DGKB: variants seen among roughly 807,000 people sequenced by gnomAD.
DGKB encodes the protein diacylglycerol kinase beta.
DGKB carries 67 observed loss-of-function variants against 114.3 expected under a neutral mutation model. That is an observed-to-expected ratio of 0.59 (90% confidence interval 0.48 to 0.72). The LOEUF is 0.72. DGKB is among the 30% of genes least tolerant of loss of function. DGKB has a pLI of 0.00. For synonymous variants in DGKB, 398 were observed against 323.1 expected, an observed-to-expected ratio of 1.23 and a Z score of -2.49; for missense variants, 907 against 975.2, an observed-to-expected ratio of 0.93 and a Z score of 0.93.
chr7:14,889,488 G>A (rs1780837421), intron 1 of DGKB, among the ~76,000 whole-genome samples: 1 of 151,446 alleles, frequency 6.6e-6, no homozygotes, highest in African/African-American at 2.4e-5. Context: ...GCCTGGTTAT[G>A]GCCCACCAAA....
intron 13 of DGKB, among the ~76,000 whole-genome samples, chr7:14,659,817 C>G (rs1414527952): frequency 4.0e-5 from 6 of 151,428 alleles, no homozygotes; most frequent in Non-Finnish European, 7.4e-5. Flanking sequence ...TGCCAGTTTT[C>G]AAAGGGAATG....
At chr7:14,774,406 C>T (rs557417640) in intron 2 of DGKB, among the ~76,000 whole-genome samples, 2 of 152,094 alleles carry the variant, frequency 1.3e-5, no homozygotes, top group African/African-American at 2.4e-5. Context: ...TCTGAAGTTA[C>T]GGAAAAGCCA....
intron 1 of DGKB, among the ~76,000 whole-genome samples, chr7:14,871,170 T>C (rs1274063374): frequency 1.3e-5 from 2 of 152,170 alleles, no homozygotes; most frequent in African/African-American, 2.4e-5. Flanking sequence ...ATGTGATGTT[T>C]TGGTACACAT....
intron 23 of DGKB, among the ~76,000 whole-genome samples, chr7:14,233,423 C>G (rs1792224066): frequency 1.3e-5 from 2 of 151,930 alleles, no homozygotes; most frequent in South Asian, 4.1e-4. Context: ...TTGTTCTTGC[C>G]TATAAATTGA....
chr7:14,348,349 C>T (rs1019443238), intron 21 of DGKB, among the ~76,000 whole-genome samples: 4 of 151,994 alleles, frequency 2.6e-5, no homozygotes, highest in Admixed American at 6.6e-5. Flanking sequence ...AGTAGTAGTA[C>T]ATGGTATGAA....
At chr7:14,372,665 T>G (rs1030896276) in intron 21 of DGKB, among the ~76,000 whole-genome samples, 1 of 152,076 alleles carries the variant, frequency 6.6e-6, no homozygotes, top group Non-Finnish European at 1.5e-5. Flanking sequence ...GATTAGTTAC[T>G]AAATATAAAT....
chr7:14,731,309 C>T (rs6946940), intron 5 of DGKB, among the ~76,000 whole-genome samples: 1 of 152,056 alleles, frequency 6.6e-6, no homozygotes, highest in East Asian at 1.9e-4. Context: ...AAATACAGTA[C>T]GTAAATATTA....
intron 5 of DGKB, among the ~76,000 whole-genome samples, chr7:14,725,828 G>A (rs1283788361): frequency 6.6e-6 from 1 of 152,072 alleles, no homozygotes; most frequent in Non-Finnish European, 1.5e-5. Flanking sequence ...GATTACAGGG[G>A]TGAGCAACCA....
At chr7:14,704,050 C>T (rs904642406) in intron 6 of DGKB, among the ~76,000 whole-genome samples, 2 of 149,998 alleles carry the variant, frequency 1.3e-5, no homozygotes, top group Non-Finnish European at 2.9e-5. Flanking sequence ...TTTCATCCTC[C>T]CCCATCATTA....
chr7:14,718,740 G>T, intron 5 of DGKB, 55 bp from the exon 6 acceptor site: 1 of 1,325,644 alleles, frequency 7.5e-7, no homozygotes, highest in South Asian at 1.4e-5. Context: ...ATCTCAAACA[G>T]AAAACAAATT....
At chr7:14,288,247 G>C (rs376618859) in intron 23 of DGKB, among the ~76,000 whole-genome samples, 4 of 88,012 alleles carry the variant, frequency 4.5e-5, no homozygotes, top group Non-Finnish European at 8.3e-5. Flanking sequence ...TTTTTTTTTT[G>C]TTAAAAGAAA....
In DGKB at chr7:14,693,953, G is replaced by A. The variant is rs138436899; in HGVS notation, c.711+122C>T. The A allele has an allele frequency of 6.8e-5, 78 of 1,144,632 alleles. No homozygotes were observed. The African/African-American group carries it at 8.6e-4, about 13-fold the overall frequency. 70.9% of individuals were successfully genotyped at this position (1,144,632 alleles called of 1,614,324 possible). On this transcript the variant is annotated intron_variant, in intron 9 of 25. Coordinates refer to ENST00000402815, the MANE Select transcript of DGKB (RefSeq NM_001350709.2). Reference sequence around the variant, plus strand: ...TTGCACCGTGGCATACTTATTAAAAGTTCCAGGCACTCACTGCATGCTTAA... The same window carrying A: ...TTGCACCGTGGCATACTTATTAAAAATTCCAGGCACTCACTGCATGCTTAA...
intron 2 of DGKB, among the ~76,000 whole-genome samples, chr7:14,831,998 T>C (rs1044274000): frequency 1.3e-5 from 2 of 151,946 alleles, no homozygotes; most frequent in Non-Finnish European, 1.5e-5. Flanking sequence ...AAAGAAAAGA[T>C]AGTAGAACAA....
rs544533837 is a variant in DGKB, at chr7:14,480,672, C to T, written c.1771-2447G>A. On this transcript the variant is annotated intron_variant, in intron 20 of 25. Coordinates refer to ENST00000402815, the MANE Select transcript of DGKB (RefSeq NM_001350709.2). ...AACAGAAATAAATCAGCATTACTTCCGCTTCCTAGAAGGCACAAACTCTGA... is the reference window on the plus strand; with the variant it reads ...AACAGAAATAAATCAGCATTACTTCTGCTTCCTAGAAGGCACAAACTCTGA... Among the ~76,000 whole-genome samples, 15 of 152,186 alleles carry T rather than the reference C, an allele frequency of 9.9e-5. No individual in the cohort carries two copies. The South Asian group carries it at 2.7e-3, about 27-fold the overall frequency.
At chr7:14,843,853 A>C (rs1291446508) in intron 1 of DGKB, among the ~76,000 whole-genome samples, 2 of 99,832 alleles carry the variant, frequency 2.0e-5, no homozygotes, top group Non-Finnish European at 3.8e-5. Flanking sequence ...TGTCAGCTTT[A>C]TTGAGAGCTT....
chr7:14,790,284 G>GT (rs1315250400), intron 2 of DGKB, among the ~76,000 whole-genome samples: 1 of 152,114 alleles, frequency 6.6e-6, no homozygotes, highest in Non-Finnish European at 1.5e-5. Context: ...AAGACCACGA[G>GT]TTTTTTATTT....
chr7:14,639,336 G>A (rs1811313319), intron 13 of DGKB, among the ~76,000 whole-genome samples: 1 of 152,212 alleles, frequency 6.6e-6, no homozygotes, highest in Non-Finnish European at 1.5e-5. Context: ...ATGAGTGTTA[G>A]AGGCTATCAA....
At chr7:14,426,117 C>T (rs1316855689) in intron 21 of DGKB, among the ~76,000 whole-genome samples, 1 of 152,088 alleles carries the variant, frequency 6.6e-6, no homozygotes, top group Non-Finnish European at 1.5e-5. Context: ...AGATTTACTT[C>T]TAAGAGAAAC....
At chr7:14,154,335 T>C (rs1412212022) in intron 25 of DGKB, among the ~76,000 whole-genome samples, 1 of 152,002 alleles carries the variant, frequency 6.6e-6, no homozygotes, top group African/African-American at 2.4e-5. Flanking sequence ...TGAATGATTA[T>C]ATATTTTTTA....
Sources: allele counts gnomAD v4.1 joint callset (sites outside exome capture counted in the v4.1 genomes callset), GRCh38; gene constraint gnomAD v4.1.1; transcripts MANE v1.5; gene names NCBI Gene and HGNC (gene_info 2026-07-23, HGNC 2026-07-21).